CTNNA2: variants seen among roughly 807,000 people sequenced by gnomAD.
CTNNA2 encodes the protein catenin alpha 2.
CTNNA2 carries 42 observed loss-of-function variants against 101.0 expected under a neutral mutation model. That is an observed-to-expected ratio of 0.42 (90% CI 0.32 to 0.54). The LOEUF (loss-of-function observed/expected upper bound fraction) is 0.54, where lower values mean the gene tolerates loss of function less well. Among genes scored for constraint, CTNNA2 ranks in the 20% least tolerant of loss-of-function variants. The pLI is 0.14. For synonymous variants in CTNNA2, 450 were observed against 456.4 expected (o/e 0.99, Z 0.18); for missense variants, 871 against 1,223.1 (o/e 0.71, Z 4.29).
chr2:79,438,407 C>T (rs555081238), intron 4 of CTNNA2, among the ~76,000 whole-genome samples: 1 of 152,160 alleles, frequency 6.6e-6, no homozygotes, highest in South Asian at 2.1e-4. Context: ...CTTTTTAGCA[C>T]TGAAAGTCCT....
chr2:79,868,627 A>G (rs1682331041), intron 4 of CTNNA2, among the ~76,000 whole-genome samples: 1 of 152,196 alleles, frequency 6.6e-6, no homozygotes, highest in African/African-American at 2.4e-5. Flanking sequence ...TTGTCAAACA[A>G]TGCACTGTCT....
rs188127467 is a variant in CTNNA2 at position 79,697,165 on chromosome 2, A to G, written c.102+45507A>G. On this transcript the variant is annotated intron_variant, in intron 2 of 18. Coordinates refer to ENST00000402739, the MANE Select transcript of CTNNA2 (RefSeq NM_001282597.3). ...ATTTAAATAGAATTTACCAAATTTC[A>G]TCTGAATCCTAATTTTAAAAATCCA... 1.8e-4 allele frequency among the ~76,000 whole-genome samples: 27 copies of G among 152,144 alleles called. No individual in the cohort carries two copies. The East Asian group carries it at 3.5e-3, about 20-fold the overall frequency.
intron 12 of CTNNA2, among the ~76,000 whole-genome samples, chr2:80,559,891 T>TTTATATATATATATATATATATACACAC (rs67796030): frequency 2.1e-4 from 31 of 146,886 alleles, no homozygotes; most frequent in Admixed American, 8.7e-4. Context: ...TATATATATA[T>TTTATATATATATATATATATATACACAC]ACACACACAT....
intron 6 of CTNNA2, among the ~76,000 whole-genome samples, chr2:79,879,767 G>A (rs1202852183): frequency 6.6e-6 from 1 of 152,134 alleles, no homozygotes; most frequent in Non-Finnish European, 1.5e-5. Flanking sequence ...TCTGCAAACA[G>A]AGAAAATTTG....
chr2:79,789,081 A>G (rs1402387605), intron 3 of CTNNA2, among the ~76,000 whole-genome samples: 2 of 152,194 alleles, frequency 1.3e-5, no homozygotes, highest in African/African-American at 4.8e-5. Context: ...TGTGTTAGCT[A>G]ATTAAATGTT....
At chr2:79,553,606 A>G (rs1674255239) in intron 1 of CTNNA2, among the ~76,000 whole-genome samples, 1 of 152,150 alleles carries the variant, frequency 6.6e-6, no homozygotes, top group Non-Finnish European at 1.5e-5. Context: ...GCAAAGGGGA[A>G]GCAGGCACAT....
intron 4 of CTNNA2, among the ~76,000 whole-genome samples, chr2:79,468,949 C>T (rs1670968405): frequency 6.6e-6 from 1 of 152,114 alleles, no homozygotes; most frequent in South Asian, 2.1e-4. Context: ...AATTGACACC[C>T]TAACATCACA....
chr2:79,435,969 A>G lies in CTNNA2; in HGVS notation c.-135+61956A>G, dbSNP rs957592992. On this transcript the variant is annotated intron_variant, in intron 4 of 21. Transcript: ENST00000466387. ...GGATGCAGCTGGACTAGAAAGTCTG[A>G]ATAAGTAGTTACCTATCTCTTACAT... 3.9e-5 allele frequency among the ~76,000 whole-genome samples: 6 copies of G among 152,174 alleles called. No individual in the cohort carries two copies. In the South Asian group the frequency reaches 1.2e-3, roughly 32 times the overall value.
intron 7 of CTNNA2, among the ~76,000 whole-genome samples, chr2:80,225,994 T>C (rs1184703382): frequency 6.6e-6 from 1 of 152,138 alleles, no homozygotes; most frequent in Non-Finnish European, 1.5e-5. Flanking sequence ...TTTTTGTGTA[T>C]AATGAATTGG....
At chr2:79,218,325 G>T (rs1261716801) in intron 2 of CTNNA2, among the ~76,000 whole-genome samples, 1 of 76,012 alleles carries the variant, frequency 1.3e-5, no homozygotes, top group Non-Finnish European at 2.9e-5. Flanking sequence ...GTGTGTGTGT[G>T]TGTGTGTGTG....
At chr2:79,874,467 G>A in intron 6 of CTNNA2, 125 bp downstream of exon 6, 1 of 1,174,528 alleles carries the variant, frequency 8.5e-7, no homozygotes, top group African/African-American at 1.5e-5. Flanking sequence ...GGTTTTAATA[G>A]TAAGATAAAC....
At chr2:80,594,215 G>A (rs1696753639) in intron 15 of CTNNA2, among the ~76,000 whole-genome samples, 2 of 152,012 alleles carry the variant, frequency 1.3e-5, no homozygotes, top group Admixed American at 1.3e-4. Flanking sequence ...TCTCATGGTG[G>A]TTTTAATTTG....
chr2:80,512,149 CAAAAAAAAA>C (rs59359924), intron 9 of CTNNA2, among the ~76,000 whole-genome samples: 17,540 of 74,372 alleles, frequency 0.24, 1,643 homozygotes, highest in Middle Eastern at 0.46. Flanking sequence ...CACTCTGTCT[CAAAAAAAAA>C]AAAAAAAAAA....
intron 2 of CTNNA2, among the ~76,000 whole-genome samples, chr2:79,214,861 T>C (rs373670898): frequency 6.6e-6 from 1 of 151,314 alleles, no homozygotes; most frequent in South Asian, 2.1e-4. Context: ...GGCACCAGAG[T>C]TGGGGAGTTT....
chr2:79,728,142 G>C (rs1686974486), intron 2 of CTNNA2, among the ~76,000 whole-genome samples: 1 of 152,090 alleles, frequency 6.6e-6, no homozygotes, highest in Admixed American at 6.5e-5. Flanking sequence ...AGATCCCTGA[G>C]GAATCACCAC....
intron 1 of CTNNA2, among the ~76,000 whole-genome samples, chr2:79,607,683 C>T (rs1677984478): frequency 6.6e-6 from 1 of 151,928 alleles, no homozygotes; most frequent in East Asian, 1.9e-4. Flanking sequence ...TGCCAAAGAA[C>T]AACTCTAAAA....
chr2:79,358,492 G>A lies in CTNNA2; in HGVS notation c.-317-15339G>A, dbSNP rs894205064. ...TGGGAGTACAGGCATGAGCCACTGC[G>A]CCTGGCCAAGTGGGATCTTAGTCAA... On this transcript the variant is annotated intron_variant, in intron 3 of 21. Coordinates refer to the CTNNA2 transcript ENST00000466387. 4.6e-5 allele frequency among the ~76,000 whole-genome samples: 7 copies of A among 152,118 alleles called. No homozygotes were observed. In the South Asian group the frequency reaches 8.3e-4, roughly 18 times the overall value.
chr2:80,635,443 CTT>C (rs996977889), intron 18 of CTNNA2, among the ~76,000 whole-genome samples: 1 of 152,074 alleles, frequency 6.6e-6, no homozygotes, highest in African/African-American at 2.4e-5. Flanking sequence ...AGCATTTCCT[CTT>C]AATTCTAATT....
chr2:79,666,934 T>C (rs1243410989), intron 2 of CTNNA2, among the ~76,000 whole-genome samples: 2 of 152,116 alleles, frequency 1.3e-5, no homozygotes, highest in Non-Finnish European at 2.9e-5. Flanking sequence ...CCTCCAGAGA[T>C]GGAAGAAAGG....
Sources: allele counts gnomAD v4.1 joint callset (sites outside exome capture counted in the v4.1 genomes callset), GRCh38; gene constraint gnomAD v4.1.1; transcripts MANE v1.5; gene names NCBI Gene and HGNC (gene_info 2026-07-23, HGNC 2026-07-21).